Variants in PUM3 observed in about 807,000 individuals in gnomAD.
PUM3 encodes pumilio homolog 3.
In PUM3, 91 loss-of-function variants were observed where a neutral mutation model predicts 84.0. The ratio of observed to expected loss-of-function variants is 1.08; its 90% confidence interval spans 0.91 to 1.29. The LOEUF (loss-of-function observed/expected upper bound fraction) is 1.29. Ranked by LOEUF, PUM3 falls within the 50% of genes most tolerant of loss-of-function variation. The pLI is 0.00. For missense variants in PUM3, 1,067 were observed against 767.5 expected (o/e 1.39, Z -4.61); for synonymous variants, 321 against 266.7 (o/e 1.20, Z -1.98).
chr9:2,816,747 C>T (rs1821477755), intron 13 of PUM3, among the ~76,000 whole-genome samples: 1 of 152,120 alleles, frequency 6.6e-6, no homozygotes, highest in Non-Finnish European at 1.5e-5. Flanking sequence ...TCATGATTAA[C>T]TGCTCAAGGA....
At chr9:2,825,789 C>G (rs938403586) in intron 10 of PUM3, among the ~76,000 whole-genome samples, 2 of 152,126 alleles carry the variant, frequency 1.3e-5, no homozygotes, top group African/African-American at 4.8e-5. Flanking sequence ...CCTATATTTT[C>G]AAAGTCTAAG....
chr9:2,805,704 A>G (rs929189323), intron 17 of PUM3, among the ~76,000 whole-genome samples: 1 of 152,224 alleles, frequency 6.6e-6, no homozygotes, highest in African/African-American at 2.4e-5. Context: ...CTTACTGAGC[A>G]TATGCCACAT....
At chr9:2,832,112 A>C (rs1349876004) in intron 5 of PUM3, among the ~76,000 whole-genome samples, 1 of 152,188 alleles carries the variant, frequency 6.6e-6, no homozygotes, top group African/African-American at 2.4e-5. Context: ...AATTCCAACA[A>C]ATCAGGTGAG....
At position 2,831,043 on chromosome 9, in the gene PUM3, T is replaced by C. The variant is rs768680013; in HGVS notation, c.611-15A>G. On this transcript the variant is annotated splice_polypyrimidine_tract_variant and intron_variant, in intron 6 of 17. Transcript: ENST00000397885. ...AACCAAATCATCTGAAAAACAAAAATACATTACAGTGACTTCAGATCTCAT... is the reference window on the plus strand; with the variant it reads ...AACCAAATCATCTGAAAAACAAAAACACATTACAGTGACTTCAGATCTCAT... 7 of 1,300,776 alleles carry C rather than the reference T, an allele frequency of 5.4e-6. No individual in the cohort carries two copies. In the East Asian group the frequency reaches 1.4e-4, roughly 26 times the overall value. 80.6% of individuals were successfully genotyped at this position (1,300,776 alleles called of 1,614,324 possible).
intron 5 of PUM3, among the ~76,000 whole-genome samples, chr9:2,832,454 G>C (rs1246905994): frequency 1.3e-5 from 2 of 152,146 alleles, no homozygotes; most frequent in Non-Finnish European, 2.9e-5. Context: ...GCATGTGCTG[G>C]TTAACACAAT....
At chr9:2,825,760 G>A (rs1366996041) in intron 10 of PUM3, among the ~76,000 whole-genome samples, 1 of 152,182 alleles carries the variant, frequency 6.6e-6, no homozygotes, top group Non-Finnish European at 1.5e-5. Flanking sequence ...GATTACAGGT[G>A]TGAGCCACCG....
intron 17 of PUM3, among the ~76,000 whole-genome samples, chr9:2,806,020 C>T (rs1464840246): frequency 6.6e-6 from 1 of 152,198 alleles, no homozygotes; most frequent in African/African-American, 2.4e-5. Context: ...AGCTCAACTT[C>T]CATTTAGAAC....
At chr9:2,827,406 T>A (rs1815852341) in intron 9 of PUM3, among the ~76,000 whole-genome samples, 1 of 152,208 alleles carries the variant, frequency 6.6e-6, no homozygotes, top group Admixed American at 6.5e-5. Context: ...AAACATAAAA[T>A]CAACATTTGA....
intron 17 of PUM3, among the ~76,000 whole-genome samples, chr9:2,806,354 T>C (rs1327482966): frequency 6.6e-6 from 1 of 152,178 alleles, no homozygotes; most frequent in Non-Finnish European, 1.5e-5. Flanking sequence ...CTGTAACACT[T>C]ATATATTTGG....
At chr9:2,841,391 C>T (rs1367224538) in intron 1 of PUM3, among the ~76,000 whole-genome samples, 13 of 152,030 alleles carry the variant, frequency 8.6e-5, no homozygotes, top group Non-Finnish European at 5.9e-5. Flanking sequence ...AAGACCAAAC[C>T]CCATCTCTAC....
chr9:2,828,277 G>A (rs1815877745), intron 9 of PUM3, among the ~76,000 whole-genome samples: 1 of 152,176 alleles, frequency 6.6e-6, no homozygotes, highest in Non-Finnish European at 1.5e-5. Context: ...CTGGCCTCAA[G>A]TGATTCTCCC....
At position 2,804,381 on chromosome 9, in the gene PUM3, TG is replaced by T; in HGVS notation, c.1896del (p.Ser634AlafsTer6). On this transcript the variant is annotated frameshift_variant, in exon 18 of 18. Transcript: ENST00000397885. LOFTEE classifies it high-confidence loss of function. ...ATTTCTATTCCTTTGCTGGTGCTTT[TG>T]GTTTTTTCCAATGTAGGAATCAAGC... ...LKSLIPTLEK[T>X]KSTSKGIEIL... 1 of 1,614,124 alleles carries T rather than the reference TG, an allele frequency of 6.2e-7. No homozygotes were observed. The highest frequency in any genetic ancestry group is 8.5e-7 in the Non-Finnish European group (1 of 1,180,000).
rs769083188 is a variant in PUM3, at chr9:2,829,764, G to C, written c.852+10C>G. On this transcript the variant is annotated intron_variant, in intron 8 of 17. Transcript: ENST00000397885. ...TAAAAATACTAGAAAAAGACTTCTGGAGATGTCACCTTGTAAAGCTGAAAT... is the reference window on the plus strand; with the variant it reads ...TAAAAATACTAGAAAAAGACTTCTGCAGATGTCACCTTGTAAAGCTGAAAT... 7.5e-6 allele frequency: 12 copies of C among 1,601,692 alleles called. No homozygotes were observed. The African/African-American group carries it at 9.4e-5, about 13-fold the overall frequency.
intron 3 of PUM3, among the ~76,000 whole-genome samples, chr9:2,836,800 T>C (rs919735224): frequency 6.6e-6 from 1 of 151,904 alleles, no homozygotes; most frequent in African/African-American, 2.4e-5. Context: ...TGATTATTTT[T>C]GTGTGTGTGC....
intron 12 of PUM3, 60 bp downstream of exon 12, chr9:2,823,721 T>C (rs945219670): frequency 3.9e-5 from 27 of 699,490 alleles, no homozygotes; most frequent in South Asian, 5.7e-5. Flanking sequence ...TTTTCTATAA[T>C]AGACATGAAT....
rs1563836108 is a variant in PUM3, at chr9:2,837,257, T to C, written c.227A>G (p.Lys76Arg). ...CGGCTGGAATTTGTTCTTTGGTGATTTGTCCCCTTGCTGCTTATTCTTGAA... is the reference window on the plus strand; with the variant it reads ...CGGCTGGAATTTGTTCTTTGGTGATCTGTCCCCTTGCTGCTTATTCTTGAA... ...KQFKNKQQGD[K>R]SPKNKFQPAN... Residue 76 changes from lysine (K) to arginine (R), a missense_variant, in exon 3 of 18, where the codon AAA becomes AGA. By Grantham distance (26) the Lys-to-Arg change is conservative. Transcript: ENST00000397885. The C allele has an allele frequency of 6.2e-7, 1 of 1,614,172 alleles. No individual in the cohort carries two copies. Among genetic ancestry groups the C allele is most frequent in the African/African-American group, 1.3e-5 (1 of 75,052 alleles).
intron 3 of PUM3, 48 bp downstream of exon 3, chr9:2,837,132 G>T: frequency 1.3e-6 from 2 of 1,498,936 alleles, no homozygotes; most frequent in Non-Finnish European, 1.9e-6. Flanking sequence ...GAGTCCCTGT[G>T]CACAATCGTT....
chr9:2,809,420 G>C (rs1821321104), intron 16 of PUM3, among the ~76,000 whole-genome samples: 1 of 152,050 alleles, frequency 6.6e-6, no homozygotes, highest in Non-Finnish European at 1.5e-5. Context: ...TATTCCATAT[G>C]TTATTTTTTT....
At chr9:2,807,739 G>A in intron 17 of PUM3, 75 bp downstream of exon 17, 1 of 933,030 alleles carries the variant, frequency 1.1e-6, no homozygotes, top group East Asian at 2.5e-5. Flanking sequence ...TATTAGAACT[G>A]AGAAATCAAC....
Sources: gnomAD v4.1 joint callset for allele counts (sites outside exome capture counted in the v4.1 genomes callset) on GRCh38, gnomAD v4.1.1 for gene constraint, MANE v1.5 for transcripts, NCBI Gene and HGNC (gene_info 2026-07-23, HGNC 2026-07-21) for gene names.